Variants in CUX1 observed in about 807,000 individuals in gnomAD.
The protein encoded by CUX1 is cut like homeobox 1.
CUX1 carries 31 observed loss-of-function variants against 158.8 expected under a neutral mutation model. That is an observed-to-expected ratio of 0.20 (90% CI 0.15 to 0.26). The LOEUF is 0.26. CUX1 is among the 10% of genes least tolerant of loss of function. CUX1 has a pLI of 1.00. For synonymous variants in CUX1, 879 were observed against 862.1 expected (o/e 1.02, Z -0.34); for missense variants, 1,589 against 2,014.6 (o/e 0.79, Z 4.04).
chr7:102,127,710 G>T (rs1233152545), intron 8 of CUX1, among the ~76,000 whole-genome samples: 2 of 152,126 alleles, frequency 1.3e-5, no homozygotes, highest in African/African-American at 2.4e-5. Context: ...TTTCCCTGCT[G>T]TTCAGGAGCC....
chr7:102,273,593 C>A, intron 15 of CUX1: 1 of 1,435,780 alleles, frequency 7.0e-7, no homozygotes, highest in Non-Finnish European at 9.4e-7. Flanking sequence ...TATCAGGCAG[C>A]TGGTGACAAC....
chr7:102,112,240 C>CTTTT lies in CUX1; in HGVS notation c.607+467_607+468insTTTT, dbSNP rs201695519. On this transcript the variant is annotated intron_variant, in intron 7 of 23. Coordinates refer to ENST00000292535, the MANE Select transcript of CUX1 (RefSeq NM_181552.4). ...AGTATCTTTAAACTTCTTTCTCTCT[C>CTTTT]TCTTTTTTTTTTTTTTTTTGAGACG... Among the ~76,000 whole-genome samples the CTTTT allele has an allele frequency of 3.9e-4, 51 of 131,428 alleles. 1 individual carries two copies. Among genetic ancestry groups the CTTTT allele is most frequent in the African/African-American group, 8.3e-4 (29 of 34,842 alleles). 86.2% of individuals were successfully genotyped at this position (131,428 alleles called of 152,430 possible). A position where few individuals can be genotyped will look rare whatever the true frequency, so the allele number is the denominator to read the frequency against.
intron 4 of CUX1, among the ~76,000 whole-genome samples, chr7:102,080,326 T>C (rs1431511433): frequency 6.6e-6 from 1 of 152,200 alleles, no homozygotes; most frequent in African/African-American, 2.4e-5. Flanking sequence ...AGACAGCTTT[T>C]CATCAGTCGC....
At position 101,919,748 on chromosome 7, in the gene CUX1, G is replaced by A. The variant is rs150837976; in HGVS notation, c.141+3523G>A. Among the ~76,000 whole-genome samples the A allele has an allele frequency of 4.3e-3, 651 of 152,362 alleles. 4 individuals carry two copies. Among genetic ancestry groups the A allele is most frequent in the Non-Finnish European group, 7.3e-3 (494 of 68,032 alleles). ...GGGGAGTAAAGTTTGTCTGCCATCG[G>A]AGATTTCACCTTCTAGACTGGCCCT... On this transcript the variant is annotated intron_variant, in intron 2 of 23. Coordinates refer to ENST00000292535, the MANE Select transcript of CUX1 (RefSeq NM_181552.4).
At chr7:101,829,877 C>G (rs1028551562) in intron 1 of CUX1, among the ~76,000 whole-genome samples, 1 of 151,802 alleles carries the variant, frequency 6.6e-6, no homozygotes, top group Non-Finnish European at 1.5e-5. Context: ...AGGAGCCCCC[C>G]TGTTGCATTA....
intron 8 of CUX1, among the ~76,000 whole-genome samples, chr7:102,133,254 T>C (rs781843794): frequency 2.6e-5 from 4 of 152,028 alleles, no homozygotes; most frequent in Non-Finnish European, 5.9e-5. Flanking sequence ...CACCGTCCTA[T>C]AGAATCCCAG....
rs143569267 is a variant in CUX1 at position 101,911,690 on chromosome 7, T to C, written c.31-4425T>C. On this transcript the variant is annotated intron_variant, in intron 1 of 23. Transcript: ENST00000292535. ...CCTCTGAAGCTCTTCTGTGCAAGGG[T>C]GGGGCTCCTGTTGGTGACACCCACT... Among the ~76,000 whole-genome samples the C allele has an allele frequency of 2.4e-3, 358 of 152,296 alleles. 2 individuals are homozygous for C. The highest frequency in any genetic ancestry group is 8.3e-3 in the African/African-American group (343 of 41,568).
intron 1 of CUX1, among the ~76,000 whole-genome samples, chr7:101,900,628 T>C (rs947674004): frequency 2.0e-5 from 3 of 152,216 alleles, no homozygotes; most frequent in African/African-American, 7.2e-5. Context: ...TTTTAACTTT[T>C]CCTTGTAAAA....
chr7:102,022,853 A>T (rs1379318168), intron 2 of CUX1, among the ~76,000 whole-genome samples: 1 of 152,248 alleles, frequency 6.6e-6, no homozygotes, highest in African/African-American at 2.4e-5. Context: ...AGGTGAAAAC[A>T]TCACTGACAA....
chr7:101,822,521 C>G (rs1361963916), intron 1 of CUX1: 1 of 152,176 alleles, frequency 6.6e-6, no homozygotes, highest in Non-Finnish European at 1.5e-5. Context: ...CTTTGAAGCA[C>G]CTGGCTTGTG....
Position 101,916,460 on chromosome 7 carries a change from C to A in CUX1, c.141+235C>A. ...GGAAATATGAAAGTCAGAGCCAATTCCAGGTGCAGATACTGGACAAGCTTG... is the reference window on the plus strand; with the variant it reads ...GGAAATATGAAAGTCAGAGCCAATTACAGGTGCAGATACTGGACAAGCTTG... On this transcript the variant is annotated intron_variant, in intron 2 of 23. Transcript: ENST00000292535. The surrounding 1 kb of genome is among the most constrained non-coding windows in gnomAD (Gnocchi z 4.4). 1 of 416,350 alleles carries A rather than the reference C, an allele frequency of 2.4e-6. No individual in the cohort carries two copies. Among genetic ancestry groups the A allele is most frequent in the Admixed American group, 3.5e-5 (1 of 28,558 alleles). 25.8% of individuals were successfully genotyped at this position (416,350 alleles called of 1,614,324 possible).
intron 1 of CUX1, among the ~76,000 whole-genome samples, chr7:101,905,396 A>G (rs1412453649): frequency 6.6e-6 from 1 of 152,216 alleles, no homozygotes; most frequent in Non-Finnish European, 1.5e-5. Context: ...ACCGCTCTGC[A>G]TCCCTGTATG....
intron 3 of CUX1, among the ~76,000 whole-genome samples, chr7:102,066,949 TACAC>T (rs952687692): frequency 2.0e-5 from 3 of 152,232 alleles, no homozygotes; most frequent in Non-Finnish European, 4.4e-5. Context: ...AGTACGTACA[TACAC>T]ACACGCGTTT....
chr7:101,863,631 G>A (rs1251039063), intron 1 of CUX1, among the ~76,000 whole-genome samples: 2 of 152,216 alleles, frequency 1.3e-5, no homozygotes, highest in Non-Finnish European at 2.9e-5. Flanking sequence ...GATTACAGGT[G>A]TGAGCCACTG....
At chr7:102,001,633 C>T (rs1315046826) in intron 2 of CUX1, among the ~76,000 whole-genome samples, 2 of 152,202 alleles carry the variant, frequency 1.3e-5, no homozygotes, top group African/African-American at 2.4e-5. Context: ...CGTGAGCCAC[C>T]GCGCCCGGCC....
intron 2 of CUX1, among the ~76,000 whole-genome samples, chr7:101,946,046 G>A: frequency 6.6e-6 from 1 of 152,150 alleles, no homozygotes; most frequent in East Asian, 1.9e-4. Context: ...GATTTGGAAG[G>A]GTGGAGGATG....
At chr7:101,866,813 A>C (rs999419439) in intron 1 of CUX1, among the ~76,000 whole-genome samples, 3 of 152,232 alleles carry the variant, frequency 2.0e-5, no homozygotes, top group African/African-American at 7.2e-5. Context: ...AGGTGGTTCT[A>C]CTTTGCCCTC....
intron 3 of CUX1, among the ~76,000 whole-genome samples, chr7:102,053,439 C>T (rs1823765217): frequency 6.6e-6 from 1 of 152,112 alleles, no homozygotes; most frequent in South Asian, 2.1e-4. Context: ...CTTTGTGTTA[C>T]AAATAATCCG....
chr7:102,040,426 C>T (rs1357634477), intron 3 of CUX1, among the ~76,000 whole-genome samples: 2 of 152,150 alleles, frequency 1.3e-5, no homozygotes, highest in Non-Finnish European at 2.9e-5. Flanking sequence ...GTTAGTAGGG[C>T]CCGGGTCATG....
Sources: gnomAD v4.1 joint callset for allele counts (sites outside exome capture counted in the v4.1 genomes callset) on GRCh38, gnomAD v4.1.1 for gene constraint, Gnocchi (gnomAD v3.1) non-coding constraint, MANE v1.5 for transcripts, NCBI Gene and HGNC (gene_info 2026-07-23, HGNC 2026-07-21) for gene names.